The following CIPC variants were observed in gnomAD, a reference collection of about 807,000 sequenced individuals.
CIPC encodes the protein CLOCK interacting pacemaker, also known as CLOCK-interacting pacemaker.
In CIPC, 12 loss-of-function variants were observed where a neutral mutation model predicts 26.7. That is an observed-to-expected ratio of 0.45 (90% CI 0.29 to 0.73). CIPC has a LOEUF of 0.73. Among genes scored for constraint, CIPC ranks in the 30% least tolerant of loss-of-function variants. The pLI is 0.12. For synonymous variants in CIPC, 170 were observed against 189.8 expected (o/e 0.90, Z 0.86); for missense variants, 417 against 486.5 (o/e 0.86, Z 1.34).
At position 77,109,795 on chromosome 14, in the gene CIPC, ATTC is replaced by A. The variant is rs1441694629; in HGVS notation, c.137-12_137-10del. The A allele has an allele frequency of 9.3e-6, 15 of 1,604,864 alleles. No homozygotes were observed. The highest frequency in any genetic ancestry group is 6.8e-6 in the Non-Finnish European group (8 of 1,173,260). ...AGTCTAGAGCCTGAGTGAGTTGACC[ATTC>A]TTCTGCCCACCAGATGGGAGCTCGG... On this transcript the variant is annotated splice_polypyrimidine_tract_variant and intron_variant, in intron 2 of 3. Coordinates refer to ENST00000361786, the MANE Select transcript of CIPC (RefSeq NM_033426.3).
At chr14:77,109,466 C>G (rs1416559459) in intron 2 of CIPC, among the ~76,000 whole-genome samples, 1 of 152,262 alleles carries the variant, frequency 6.6e-6, no homozygotes, top group South Asian at 2.1e-4. Flanking sequence ...CATAGATTCT[C>G]GAAAGTAATA....
chr14:77,110,011 T>G (rs369435503), intron 3 of CIPC, 30 bp downstream of exon 3: 318 of 1,600,264 alleles, frequency 2.0e-4, no homozygotes, highest in Non-Finnish European at 2.6e-4. Flanking sequence ...CCTAAAGTCT[T>G]TGCAAATAAA....
chr14:77,109,086 G>A (rs1216851156), intron 2 of CIPC, among the ~76,000 whole-genome samples: 1 of 152,070 alleles, frequency 6.6e-6, no homozygotes, highest in Non-Finnish European at 1.5e-5. Context: ...CCAAGATCTG[G>A]GCACTCAATA....
intron 1 of CIPC, among the ~76,000 whole-genome samples, chr14:77,102,975 T>C (rs79179094): frequency 0.028 from 4,194 of 152,330 alleles, 201 homozygotes; most frequent in African/African-American, 0.096. Flanking sequence ...TGCTGTCAAA[T>C]TTCATAGCTG....
intron 3 of CIPC, among the ~76,000 whole-genome samples, chr14:77,112,537 TTAAG>T (rs1357776130): frequency 6.6e-6 from 1 of 152,120 alleles, no homozygotes; most frequent in Non-Finnish European, 1.5e-5. Flanking sequence ...TTTAAATAGA[TTAAG>T]TAACTCATGT....
Position 77,114,287 on chromosome 14 carries a change from T to C in CIPC, c.1169T>C (p.Leu390Pro). 6.2e-7 allele frequency: 1 copy of C among 1,611,832 alleles called. No homozygotes were observed. Among genetic ancestry groups the C allele is most frequent in the Non-Finnish European group, 8.5e-7 (1 of 1,179,270 alleles). Reference sequence around the variant, plus strand: ...GGGTCCAGTAATACAGGCAGTGACCTAGAAGCATTCTCTGATCACCCAGCC... The same window carrying C: ...GGGTCCAGTAATACAGGCAGTGACCCAGAAGCATTCTCTGATCACCCAGCC... ...TPGSSNTGSD[L>P]EAFSDHPAI The change falls in exon 4 of 4, where the codon CTA (leucine) becomes CCA (proline). Residue 390 changes from leucine to proline, a missense_variant. Coordinates refer to ENST00000361786, the MANE Select transcript of CIPC (RefSeq NM_033426.3).
At chr14:77,101,904 A>C (rs764682621) in intron 1 of CIPC, among the ~76,000 whole-genome samples, 7 of 152,062 alleles carry the variant, frequency 4.6e-5, no homozygotes, top group Non-Finnish European at 1.0e-4. Context: ...TGGGCAACAT[A>C]GCAAGACCCA....
intron 2 of CIPC, among the ~76,000 whole-genome samples, chr14:77,109,287 A>G (rs978422422): frequency 2.6e-5 from 4 of 152,204 alleles, no homozygotes; most frequent in African/African-American, 4.8e-5. Flanking sequence ...TCATATTTCC[A>G]TTGATGTATA....
chr14:77,100,240 C>CTTTTTTTTTTTTTTT (rs57785837), intron 1 of CIPC, among the ~76,000 whole-genome samples: 3 of 130,522 alleles, frequency 2.3e-5, no homozygotes, highest in Non-Finnish European at 4.8e-5. Context: ...TTCTTTCTTT[C>CTTTTTTTTTTTTTTT]TTTTTTTTTT....
chr14:77,102,751 C>T (rs1368009588), intron 1 of CIPC, among the ~76,000 whole-genome samples: 3 of 152,206 alleles, frequency 2.0e-5, no homozygotes, highest in Admixed American at 6.5e-5. Flanking sequence ...CCCTCCTAAT[C>T]TAAATCAACA....
chr14:77,115,639 G>T lies in CIPC; in HGVS notation c.*1321G>T, dbSNP rs1395093120. 6.7e-6 allele frequency: 1 copy of T among 149,318 alleles called. No individual in the cohort carries two copies. The highest frequency in any genetic ancestry group is 2.0e-4 in the East Asian group (1 of 5,118). The allele number at this position is 149,318 out of a possible 1,614,324, so 9.2% of individuals were successfully genotyped here. A position where few individuals can be genotyped will look rare whatever the true frequency, so the allele number is the denominator to read the frequency against. Reference sequence around the variant, plus strand: ...AAATTTCATCCTCTTGAAAATCTTTGTTCTTTACAAAATTATCTTAATAAG... The same window carrying T: ...AAATTTCATCCTCTTGAAAATCTTTTTTCTTTACAAAATTATCTTAATAAG... On this transcript the variant is annotated 3_prime_UTR_variant, in exon 4 of 4. Coordinates refer to ENST00000361786, the MANE Select transcript of CIPC (RefSeq NM_033426.3).
At chr14:77,104,809 A>T (rs887408500) in intron 1 of CIPC, among the ~76,000 whole-genome samples, 1 of 152,236 alleles carries the variant, frequency 6.6e-6, no homozygotes, top group African/African-American at 2.4e-5. Context: ...CTCTCTCTAG[A>T]TCATAAGCTA....
At chr14:77,102,259 G>A (rs906620235) in intron 1 of CIPC, among the ~76,000 whole-genome samples, 4 of 152,200 alleles carry the variant, frequency 2.6e-5, no homozygotes, top group Middle Eastern at 3.4e-3. Context: ...ATCTGCTATC[G>A]GACAAGACAG....
At chr14:77,099,960 A>C (rs892503755) in intron 1 of CIPC, 2 of 152,240 alleles carry the variant, frequency 1.3e-5, no homozygotes, top group African/African-American at 2.4e-5. Flanking sequence ...CAAGCTGTTC[A>C]GGTATTTCTG....
At position 77,105,255 on chromosome 14, in the gene CIPC, T is replaced by C. The variant is rs1193735332; in HGVS notation, c.-52-402T>C. Among the ~76,000 whole-genome samples the C allele has an allele frequency of 1.2e-4, 18 of 152,130 alleles. 1 individual carries two copies. Among genetic ancestry groups the C allele is most frequent in the Admixed American group, 1.1e-3 (17 of 15,262 alleles). ...GCGGTGTCTCTTTTCTCCTCTCCCC[T>C]TTCCCCTCTCCCCCTCCTTCTGCCC... On this transcript the variant is annotated intron_variant, in intron 1 of 3. Coordinates refer to ENST00000361786, the MANE Select transcript of CIPC (RefSeq NM_033426.3).
At position 77,115,130 on chromosome 14, in the gene CIPC, C is replaced by CT. The variant is rs1008172336; in HGVS notation, c.*819dup. 2.6e-5 allele frequency: 4 copies of CT among 151,962 alleles called. No homozygotes were observed. Among genetic ancestry groups the CT allele is most frequent in the South Asian group, 4.2e-4 (2 of 4,812 alleles). 9.4% of individuals were successfully genotyped at this position (151,962 alleles called of 1,614,324 possible). A position where few individuals can be genotyped will look rare whatever the true frequency, so the allele number is the denominator to read the frequency against. On this transcript the variant is annotated 3_prime_UTR_variant, in exon 4 of 4. Coordinates refer to ENST00000361786, the MANE Select transcript of CIPC (RefSeq NM_033426.3). ...AGCTGGACGATTCTGGTAACTTAGGCTTTTTTTCTCTCTTCTTTTGAAACA... is the reference window on the plus strand; with the variant it reads ...AGCTGGACGATTCTGGTAACTTAGGCTTTTTTTTCTCTCTTCTTTTGAAACA...
rs992191440 is a variant in CIPC, at chr14:77,114,440, A to T, written c.*122A>T. On this transcript the variant is annotated 3_prime_UTR_variant, in exon 4 of 4. Transcript: ENST00000361786. Reference sequence around the variant, plus strand: ...CTAAACTTAAACTGTGTTGTGGTTCACTTAGGAAGCCACGTGCCAATACCT... The same window carrying T: ...CTAAACTTAAACTGTGTTGTGGTTCTCTTAGGAAGCCACGTGCCAATACCT... 2 of 1,116,782 alleles carry T rather than the reference A, an allele frequency of 1.8e-6. No individual in the cohort carries two copies. Among genetic ancestry groups the T allele is most frequent in the African/African-American group, 3.1e-5 (2 of 63,706 alleles). The allele number at this position is 1,116,782 out of a possible 1,614,324, so 69.2% of individuals were successfully genotyped here. A position where few individuals can be genotyped will look rare whatever the true frequency, so the allele number is the denominator to read the frequency against.
chr14:77,100,967 T>C (rs1418019569), intron 1 of CIPC, among the ~76,000 whole-genome samples: 1 of 152,206 alleles, frequency 6.6e-6, no homozygotes, highest in Non-Finnish European at 1.5e-5. Flanking sequence ...CCAATTAGGG[T>C]AAATTCTGAC....
chr14:77,107,145 G>A (rs909740881), intron 2 of CIPC, among the ~76,000 whole-genome samples: 3 of 152,094 alleles, frequency 2.0e-5, no homozygotes, highest in Admixed American at 1.3e-4. Flanking sequence ...TTAATATCAC[G>A]TTTGCTTTTT....
Sources: gnomAD v4.1 joint callset for allele counts (sites outside exome capture counted in the v4.1 genomes callset) on GRCh38, gnomAD v4.1.1 for gene constraint, MANE v1.5 for transcripts, NCBI Gene and HGNC (gene_info 2026-07-23, HGNC 2026-07-21) for gene names.